The following FGGY variants were observed in gnomAD, a reference collection of about 807,000 sequenced individuals.
FGGY encodes the protein FGGY carbohydrate kinase domain-containing protein.
In FGGY, 72 loss-of-function variants were observed where a neutral mutation model predicts 71.3. The ratio of observed to expected loss-of-function variants is 1.01; its 90% CI spans 0.84 to 1.23. FGGY has a LOEUF of 1.23. FGGY is among the 50% of genes most tolerant of loss of function. The pLI is 0.00. For missense variants in FGGY, 668 were observed against 682.3 expected (o/e 0.98, Z 0.23); for synonymous variants, 251 against 250.3 (o/e 1.00, Z -0.02).
chr1:59,382,716 G>A (rs76351259), intron 5 of FGGY, among the ~76,000 whole-genome samples: 6,569 of 152,246 alleles, frequency 0.043, 132 homozygotes, highest in Middle Eastern at 0.099. Context: ...TGTTAGTCAA[G>A]CAGTGCTAGT....
chr1:59,627,241 A>C (rs2096865537), intron 10 of FGGY, among the ~76,000 whole-genome samples: 2 of 152,088 alleles, frequency 1.3e-5, no homozygotes, highest in African/African-American at 4.8e-5. Context: ...CATATGGCTA[A>C]AGAGAAAAAT....
chr1:59,709,373 A>G (rs1319585934), intron 14 of FGGY, among the ~76,000 whole-genome samples: 3 of 152,130 alleles, frequency 2.0e-5, no homozygotes, highest in Non-Finnish European at 4.4e-5. Context: ...AACCACCCCC[A>G]TAATCCAATC....
intron 4 of FGGY, among the ~76,000 whole-genome samples, chr1:59,351,500 A>G (rs2053285105): frequency 6.6e-6 from 1 of 152,222 alleles, no homozygotes; most frequent in Non-Finnish European, 1.5e-5. Flanking sequence ...GGTGATTTAT[A>G]TAATGCTTGC....
intron 8 of FGGY, among the ~76,000 whole-genome samples, chr1:59,568,276 C>G (rs1339023322): frequency 6.6e-6 from 1 of 152,062 alleles, no homozygotes; most frequent in South Asian, 2.1e-4. Flanking sequence ...TGTGGTAGAC[C>G]TGTACTTGCT....
Position 59,607,815 on chromosome 1 carries a change from C to T in FGGY, c.916C>T (p.Pro306Ser), listed in dbSNP as rs560935352. ...TCTTTCTTTCCAGATCAGCAAAGAC[C>T]CGATTTTTGTACCAGGCGTCTGGGG... ...SSCHMGISKD[P>S]IFVPGVWGPY... Residue 306 changes from proline to serine, a missense_variant, in exon 9 of 16, where the codon CCG (proline) becomes TCG (serine). Transcript: ENST00000303721. The T allele has an allele frequency of 3.1e-6, 5 of 1,613,730 alleles. No homozygotes were observed. The South Asian group carries it at 3.3e-5, about 11-fold the overall frequency.
chr1:59,357,973 G>A (rs2054657433), intron 4 of FGGY, among the ~76,000 whole-genome samples: 1 of 151,840 alleles, frequency 6.6e-6, no homozygotes, highest in Non-Finnish European at 1.5e-5. Context: ...ATGATTCTGT[G>A]TCGATCAAAA....
intron 5 of FGGY, among the ~76,000 whole-genome samples, chr1:59,412,865 A>G (rs1299859912): frequency 1.3e-5 from 2 of 152,202 alleles, no homozygotes; most frequent in African/African-American, 4.8e-5. Context: ...TGGTTACCAC[A>G]TACACTCTGA....
chr1:59,557,539 G>A (rs964658375), intron 8 of FGGY, among the ~76,000 whole-genome samples: 2 of 152,266 alleles, frequency 1.3e-5, no homozygotes, highest in Admixed American at 6.5e-5. Flanking sequence ...TGTTAATAAG[G>A]CCTTTGATAT....
intron 14 of FGGY, among the ~76,000 whole-genome samples, chr1:59,703,830 A>G (rs1010418436): frequency 2.6e-5 from 4 of 152,230 alleles, no homozygotes; most frequent in African/African-American, 7.2e-5. Flanking sequence ...AGCTAAGGCT[A>G]AAGGAACATC....
chr1:59,511,974 G>C (rs2094529155), intron 6 of FGGY, among the ~76,000 whole-genome samples: 1 of 152,184 alleles, frequency 6.6e-6, no homozygotes, highest in Non-Finnish European at 1.5e-5. Context: ...GTGTTAGGAA[G>C]CCCATTTGGA....
intron 6 of FGGY, among the ~76,000 whole-genome samples, chr1:59,510,059 A>T (rs1330076911): frequency 6.9e-6 from 1 of 145,744 alleles, no homozygotes; most frequent in African/African-American, 2.5e-5. Flanking sequence ...TTTTTTTAAC[A>T]TACATAATGC....
chr1:59,510,577 G>A (rs550910595), intron 6 of FGGY, among the ~76,000 whole-genome samples: 3 of 152,254 alleles, frequency 2.0e-5, no homozygotes, highest in African/African-American at 7.2e-5. Context: ...TTATCCTCCA[G>A]ACCATCAGTG....
intron 8 of FGGY, among the ~76,000 whole-genome samples, chr1:59,582,126 G>C (rs1403820864): frequency 6.7e-6 from 1 of 149,460 alleles, no homozygotes; most frequent in Admixed American, 6.6e-5. Context: ...GTGGGTACCT[G>C]TAGTCCCAGC....
At chr1:59,455,262 A>G (rs1000927005) in intron 5 of FGGY, among the ~76,000 whole-genome samples, 3 of 152,220 alleles carry the variant, frequency 2.0e-5, no homozygotes, top group African/African-American at 7.2e-5. Context: ...CTTTTCACTC[A>G]GTCTGCCCTT....
intron 14 of FGGY, among the ~76,000 whole-genome samples, chr1:59,709,466 T>TCA (rs111353878): frequency 0.55 from 78,277 of 142,550 alleles, 21,767 homozygotes; most frequent in Middle Eastern, 0.72. Context: ...TGAAACTATA[T>TCA]CACACACACA....
chr1:59,586,966 G>A lies in FGGY; in HGVS notation c.904-20837G>A, dbSNP rs560127781. Among the ~76,000 whole-genome samples, 337 of 152,320 alleles carry A rather than the reference G, an allele frequency of 2.2e-3. 4 individuals carry two copies. Among genetic ancestry groups the A allele is most frequent in the South Asian group, 1.7e-3 (8 of 4,828 alleles). Reference sequence around the variant, plus strand: ...CGCAGGACAGTGGGTGCAGCGCACCGTGCACGAGCTGAAGCAGGGCAAGGC... The same window carrying A: ...CGCAGGACAGTGGGTGCAGCGCACCATGCACGAGCTGAAGCAGGGCAAGGC... On this transcript the variant is annotated intron_variant, in intron 8 of 15. Coordinates refer to ENST00000303721, the MANE Select transcript of FGGY (RefSeq NM_018291.5).
At chr1:59,378,612 C>T in intron 4 of FGGY, 137 bp from the exon 5 acceptor site, 1 of 635,744 alleles carries the variant, frequency 1.6e-6, no homozygotes, top group Middle Eastern at 3.2e-4. Context: ...TTATTCCTAC[C>T]CCCACCAAGC....
In FGGY at chr1:59,653,554, G is replaced by T. The variant is rs548438223; in HGVS notation, c.1222-6665G>T. Among the ~76,000 whole-genome samples, 3 of 152,290 alleles carry T rather than the reference G, an allele frequency of 2.0e-5. No homozygotes were observed. In the East Asian group the frequency reaches 5.8e-4, roughly 29 times the overall value. On this transcript the variant is annotated intron_variant, in intron 11 of 15. Coordinates refer to ENST00000303721, the MANE Select transcript of FGGY (RefSeq NM_018291.5). ...TCACCCCTTTCTTTGACTCGGAAAG[G>T]GAACTCCCTGACCCCTTGCGCTTCC... is the stretch of plus-strand genomic sequence containing the variant.
intron 3 of FGGY, among the ~76,000 whole-genome samples, chr1:59,342,195 C>G (rs1257778846): frequency 6.6e-6 from 1 of 152,168 alleles, no homozygotes. Flanking sequence ...GAGCCCTACC[C>G]TCAGGATTTG....
Sources: allele counts gnomAD v4.1 joint callset (sites outside exome capture counted in the v4.1 genomes callset), GRCh38; gene constraint gnomAD v4.1.1; transcripts MANE v1.5; gene names NCBI Gene and HGNC (gene_info 2026-07-23, HGNC 2026-07-21).